The following EML1 variants were observed in gnomAD, a reference collection of about 807,000 sequenced individuals.
EML1 encodes EMAP like 1, also known as echinoderm microtubule-associated protein-like 1.
A neutral mutation model predicts 110.4 loss-of-function variants in EML1; 27 were observed. The observed-to-expected ratio is 0.24, with a 90% CI of 0.18 to 0.34. The LOEUF is 0.34. Ranked by LOEUF, EML1 falls within the 10% of genes least tolerant of loss-of-function variation. EML1 has a pLI of 1.00. For synonymous variants in EML1, 344 were observed against 385.8 expected (o/e 0.89, Z 1.27); for missense variants, 741 against 1,030.9 (o/e 0.72, Z 3.85).
At chr14:99,928,946 CATCTT>C (rs1199769221) in intron 17 of EML1, among the ~76,000 whole-genome samples, 1 of 152,218 alleles carries the variant, frequency 6.6e-6, no homozygotes, top group East Asian at 1.9e-4. Flanking sequence ...CAGTGTTCTG[CATCTT>C]ATCTTGTGTT....
chr14:99,790,866 C>CTCTTTTTT (rs2057660881), upstream of EML1, among the ~76,000 whole-genome samples: 1 of 142,686 alleles, frequency 7.0e-6, no homozygotes, highest in Non-Finnish European at 1.5e-5. Flanking sequence ...TTTTCTTTTC[C>CTCTTTTTT]TTTTTTTTTG....
intron 3 of EML1, among the ~76,000 whole-genome samples, chr14:99,866,192 C>T (rs994444708): frequency 6.6e-6 from 1 of 152,162 alleles, no homozygotes; most frequent in Non-Finnish European, 1.5e-5. Context: ...CCTATAATCC[C>T]AGCACTTTGG....
intron 17 of EML1, among the ~76,000 whole-genome samples, chr14:99,926,284 G>GTTT (rs11407717): frequency 6.7e-6 from 1 of 149,230 alleles, no homozygotes; most frequent in Admixed American, 6.7e-5. Context: ...GTTTTTTGGG[G>GTTT]TTTTTTTTTT....
chr14:99,905,910 TCC>T lies in EML1; in HGVS notation c.1009-1727_1009-1726del, dbSNP rs1275372654. ...AAGTTAGGCCTCTAACCCAATCCCA[TCC>T]TTTGCCCAGGTGTGTGCCCCCCCCT... On this transcript the variant is annotated intron_variant, in intron 9 of 21. Transcript: ENST00000262233. This position sits in a 1 kb window ranked among gnomAD's most constrained non-coding sequence, Gnocchi z 4.1. Among the ~76,000 whole-genome samples, 2 of 151,730 alleles carry T rather than the reference TCC, an allele frequency of 1.3e-5. No homozygotes were observed. Among genetic ancestry groups the T allele is most frequent in the South Asian group, 2.1e-4 (1 of 4,818 alleles).
intron 1 of EML1, among the ~76,000 whole-genome samples, chr14:99,801,569 C>T (rs893425122): frequency 3.3e-5 from 5 of 151,474 alleles, no homozygotes; most frequent in African/African-American, 4.9e-5. Context: ...GAGCCAAGAT[C>T]GTGCCACTGC....
At chr14:99,910,379 T>A in intron 12 of EML1, 38 bp downstream of exon 12, 2 of 1,498,734 alleles carry the variant, frequency 1.3e-6, no homozygotes, top group Non-Finnish European at 1.8e-6. Context: ...TGGTTTTTGG[T>A]AATGTTGTAA....
chr14:99,846,812 AAG>A (rs2058714049), intron 1 of EML1, among the ~76,000 whole-genome samples: 1 of 152,180 alleles, frequency 6.6e-6, no homozygotes, highest in Admixed American at 6.5e-5. Flanking sequence ...CATGCTTCAA[AAG>A]AGATACTCAT....
intron 17 of EML1, among the ~76,000 whole-genome samples, chr14:99,933,633 C>A (rs919519312): frequency 6.6e-6 from 1 of 152,374 alleles, no homozygotes; most frequent in East Asian, 1.9e-4. Flanking sequence ...TTTCAGGAAA[C>A]CTGTGTGACC....
chr14:99,928,501 G>A (rs548199035), intron 17 of EML1, among the ~76,000 whole-genome samples: 2 of 152,150 alleles, frequency 1.3e-5, no homozygotes, highest in East Asian at 3.9e-4. Flanking sequence ...ATGGGTGTTA[G>A]GAGTGCTTGT....
intron 1 of EML1, among the ~76,000 whole-genome samples, chr14:99,817,172 A>G (rs1441674219): frequency 6.6e-6 from 1 of 152,134 alleles, no homozygotes; most frequent in Non-Finnish European, 1.5e-5. Context: ...CGGGCTTACT[A>G]CATTCATTTT....
At chr14:99,761,510 G>T (rs908931064) in intron 1 of EML1, among the ~76,000 whole-genome samples, 2 of 152,148 alleles carry the variant, frequency 1.3e-5, no homozygotes, top group Admixed American at 1.3e-4. Flanking sequence ...CAGGATTGGG[G>T]CGTACATGTG....
At chr14:99,746,897 G>A (rs913146326) in intron 1 of EML1, among the ~76,000 whole-genome samples, 7 of 152,156 alleles carry the variant, frequency 4.6e-5, no homozygotes, top group Admixed American at 1.3e-4. Context: ...GGGTGCTCTG[G>A]TTTGTTGAGC....
intron 4 of EML1, among the ~76,000 whole-genome samples, chr14:99,885,602 G>A (rs1039318107): frequency 1.3e-5 from 2 of 152,114 alleles, no homozygotes; most frequent in Non-Finnish European, 2.9e-5. Context: ...TGAGACTTAC[G>A]CATTTTTTAC....
chr14:99,940,684 G>A lies in EML1; in HGVS notation c.*572G>A, dbSNP rs962524640. On this transcript the variant is annotated 3_prime_UTR_variant, in exon 22 of 22. Transcript: ENST00000262233. ...CTCCCTTGGGGAGGCTGTGAGAGAG[G>A]GCTTGTATCCCTCTTGTGCTAAGCA... 5 of 152,150 alleles carry A rather than the reference G, an allele frequency of 3.3e-5. No individual in the cohort carries two copies. The highest frequency in any genetic ancestry group is 1.2e-4 in the African/African-American group (5 of 41,430). 9.4% of individuals were successfully genotyped at this position (152,150 alleles called of 1,614,324 possible).
chr14:99,927,811 GGGGGGTGGTGGTGGTGGTGGTAT>G (rs2060265989), intron 17 of EML1, among the ~76,000 whole-genome samples: 1 of 58,838 alleles, frequency 1.7e-5, no homozygotes, highest in Admixed American at 1.7e-4. Flanking sequence ...GGGGGGGGTG[GGGGGGTGGTGGTGGTGGTGGTAT>G]TGGTGGTGGT....
At chr14:99,841,496 A>T (rs147317185) in intron 1 of EML1, among the ~76,000 whole-genome samples, 67 of 152,294 alleles carry the variant, frequency 4.4e-4, no homozygotes, top group African/African-American at 1.5e-3. Context: ...GGAATTGGCT[A>T]CTGCTCAGTT....
rs188732664 is a variant in EML1 at position 99,909,298 on chromosome 14, C to A, written c.1105-47C>A. ...TACTTGTTTTCCTACATGTCTCTTACGCGTCTTAAGAGATGTGAGGCATCC... is the reference window on the plus strand; with the variant it reads ...TACTTGTTTTCCTACATGTCTCTTAAGCGTCTTAAGAGATGTGAGGCATCC... On this transcript the variant is annotated intron_variant, in intron 10 of 21. Transcript: ENST00000262233. 376 of 1,612,826 alleles carry A rather than the reference C, an allele frequency of 2.3e-4. 3 individuals are homozygous for A. The South Asian group carries it at 3.2e-3, about 14-fold the overall frequency.
chr14:99,823,883 C>T (rs758091501), intron 1 of EML1, among the ~76,000 whole-genome samples: 20 of 152,138 alleles, frequency 1.3e-4, no homozygotes, highest in Non-Finnish European at 2.9e-5. Flanking sequence ...CCTGATTCTT[C>T]CAGGCTAAAG....
chr14:99,939,117 C>A lies in EML1; in HGVS notation c.2192-80C>A, dbSNP rs137864838. On this transcript the variant is annotated intron_variant, in intron 20 of 21. Coordinates refer to ENST00000262233, the MANE Select transcript of EML1 (RefSeq NM_004434.3). The surrounding 1 kb of genome is among the most constrained non-coding windows in gnomAD (Gnocchi z 4.2). ...CTTCAGGCAGTTTCATGTTCAGGACCGTTCAGTGGGCGCTTCCTGCGCCAT... is the reference window on the plus strand; with the variant it reads ...CTTCAGGCAGTTTCATGTTCAGGACAGTTCAGTGGGCGCTTCCTGCGCCAT... 198 of 1,564,398 alleles carry A rather than the reference C, an allele frequency of 1.3e-4. No homozygotes were observed. The African/African-American group carries it at 1.7e-3, about 14-fold the overall frequency.
Sources: gnomAD v4.1 joint callset for allele counts (sites outside exome capture counted in the v4.1 genomes callset) on GRCh38, gnomAD v4.1.1 for gene constraint, Gnocchi (gnomAD v3.1) non-coding constraint, MANE v1.5 for transcripts, NCBI Gene and HGNC (gene_info 2026-07-23, HGNC 2026-07-21) for gene names.